Variants in RGS11 observed in about 807,000 individuals in gnomAD.
The protein encoded by RGS11 is regulator of G-protein signaling 11.
In RGS11, 86 loss-of-function variants were observed where a neutral mutation model predicts 71.1. That is an observed-to-expected ratio of 1.21 (90% CI 1.02 to 1.45). The LOEUF (loss-of-function observed/expected upper bound fraction) is 1.45, where lower values mean the gene tolerates loss of function less well. Among genes scored for constraint, RGS11 ranks in the 40% most tolerant of loss-of-function variants. The probability of loss-of-function intolerance (pLI) is 0.00; values close to 1 mark genes in which losing one functional copy is unlikely to be tolerated. For missense variants in RGS11, 734 were observed against 635.1 expected (o/e 1.16, Z -1.67); for synonymous variants, 298 against 254.2 (o/e 1.17, Z -1.64).
intron 4 of RGS11, 97 bp from the exon 5 acceptor site, chr16:274,362 G>A: frequency 7.4e-7 from 1 of 1,354,740 alleles, no homozygotes; most frequent in South Asian, 1.3e-5. Flanking sequence ...AGCCTGGGCT[G>A]GGCAGGAGGT....
In RGS11 at chr16:273,434, C is replaced by T. The variant is rs568186508; in HGVS notation, c.588+41G>A. On this transcript the variant is annotated intron_variant, in intron 8 of 16. Coordinates refer to ENST00000397770, the MANE Select transcript of RGS11 (RefSeq NM_183337.3). ...TGTCAGGGAAGCACGCTGACCCCTG[C>T]GCTGGCCAGCGACCCCCACCCTCAC... 31 of 1,478,568 alleles carry T rather than the reference C, an allele frequency of 2.1e-5. 1 individual carries two copies. The highest frequency in any genetic ancestry group is 1.7e-4 in the Middle Eastern group (1 of 5,794). The allele number at this position is 1,478,568 out of a possible 1,614,324, so 91.6% of individuals were successfully genotyped here.
In RGS11 at chr16:268,606, G is replaced by A; in HGVS notation, c.*663C>T. ...TCGTCAGTGGGGTGACAATGTCAGA[G>A]TTGTCTATAAATCGGGGGGGAGGCC... On this transcript the variant is annotated 3_prime_UTR_variant, in exon 17 of 17. Coordinates refer to ENST00000397770, the MANE Select transcript of RGS11 (RefSeq NM_183337.3). 1 of 650,716 alleles carries A rather than the reference G, an allele frequency of 1.5e-6. No individual in the cohort carries two copies. 40.3% of individuals were successfully genotyped at this position (650,716 alleles called of 1,614,324 possible). A position where few individuals can be genotyped will look rare whatever the true frequency, so the allele number is the denominator to read the frequency against.
chr16:274,101 G>T lies in RGS11; in HGVS notation c.371C>A (p.Ala124Asp), dbSNP rs373360301. The T allele has an allele frequency of 3.0e-5, 46 of 1,553,304 alleles. No individual in the cohort carries two copies. The highest frequency in any genetic ancestry group is 3.9e-5 in the Non-Finnish European group (45 of 1,148,432). Residue 124 changes from alanine to aspartate, a missense_variant and splice_region_variant, in exon 6 of 17, where the codon GCC becomes GAC. Transcript: ENST00000397770. Reference sequence around the variant, plus strand: ...GATGTTCTTCTTGGCCAGGTAGATGGCTGGAAGAACAGGGACAGCCTGCAG... The same window carrying T: ...GATGTTCTTCTTGGCCAGGTAGATGTCTGGAAGAACAGGGACAGCCTGCAG... ...TLRPAAELDY[A>D]IYLAKKNIRK...
rs1218062756 is a variant in RGS11, at chr16:275,262, A to T, written c.211+21T>A. Reference sequence around the variant, plus strand: ...CACCAGCCCAGTGACCCCAGGGCCCAGTGGGAGGCAGGGCGCTCACCCTCC... The same window carrying T: ...CACCAGCCCAGTGACCCCAGGGCCCTGTGGGAGGCAGGGCGCTCACCCTCC... On this transcript the variant is annotated intron_variant, in intron 3 of 16. Coordinates refer to ENST00000397770, the MANE Select transcript of RGS11 (RefSeq NM_183337.3). 1.9e-6 allele frequency: 3 copies of T among 1,612,204 alleles called. No homozygotes were observed. In the Admixed American group the frequency reaches 5.0e-5, roughly 27 times the overall value.
rs1258249840 is a variant in RGS11, at chr16:271,183, C to T, written c.863+19G>A. On this transcript the variant is annotated intron_variant, in intron 12 of 16. Transcript: ENST00000397770. ...GGCTGGGAGCACACCCGCAGTCCCG[C>T]TGCCCCGCCTGGGCTCACGTGGGGG... 2 of 1,609,250 alleles carry T rather than the reference C, an allele frequency of 1.2e-6. No homozygotes were observed. Among genetic ancestry groups the T allele is most frequent in the East Asian group, 2.2e-5 (1 of 44,834 alleles).
At position 269,206 on chromosome 16, in the gene RGS11, G is replaced by T; in HGVS notation, c.*63C>A. On this transcript the variant is annotated 3_prime_UTR_variant, in exon 17 of 17. Transcript: ENST00000397770. ...CCAGGACCTGGGCCAAGACGGGGGT[G>T]GCTGCTGCATTCACGCAGGACGTTG... is the stretch of plus-strand genomic sequence containing the variant. The T allele has an allele frequency of 1.6e-6, 2 of 1,241,864 alleles. No individual in the cohort carries two copies. Among genetic ancestry groups the T allele is most frequent in the South Asian group, 1.3e-5 (1 of 77,852 alleles). 76.9% of individuals were successfully genotyped at this position (1,241,864 alleles called of 1,614,324 possible). A position where few individuals can be genotyped will look rare whatever the true frequency, so the allele number is the denominator to read the frequency against.
At chr16:274,941 T>C (rs1370118924) in intron 4 of RGS11, 35 bp downstream of exon 4, 17 of 1,539,182 alleles carry the variant, frequency 1.1e-5, no homozygotes, top group Middle Eastern at 3.4e-4. Context: ...GGGGTGGGGG[T>C]CCCACCGGCT....
chr16:268,707 AG>A lies in RGS11; in HGVS notation c.*561del. The A allele has an allele frequency of 6.7e-7, 1 of 1,483,450 alleles. No individual in the cohort carries two copies. Among genetic ancestry groups the A allele is most frequent in the Non-Finnish European group, 9.1e-7 (1 of 1,095,898 alleles). The allele number at this position is 1,483,450 out of a possible 1,614,324, so 91.9% of individuals were successfully genotyped here. On this transcript the variant is annotated 3_prime_UTR_variant, in exon 17 of 17. Coordinates refer to ENST00000397770, the MANE Select transcript of RGS11 (RefSeq NM_183337.3). ...GGAACGCGTTTGGCGAGGGAGGAAT[AG>A]GCGCAGCTCCGGAAGGCAGTGACCT...
chr16:274,685 G>A (rs1444711749), intron 4 of RGS11: 2 of 673,682 alleles, frequency 3.0e-6, no homozygotes, highest in Non-Finnish European at 5.5e-6. Context: ...TGGGCCTAGG[G>A]ACCCCCAGGA....
At position 273,761 on chromosome 16, in the gene RGS11, T is replaced by A; in HGVS notation, c.505A>T (p.Arg169Trp). The change falls in exon 7 of 17, where the codon AGG becomes TGG. Residue 169 changes from arginine to tryptophan, a missense_variant and splice_region_variant. Coordinates refer to ENST00000397770, the MANE Select transcript of RGS11 (RefSeq NM_183337.3). Reference sequence around the variant, plus strand: ...GGGCGGGGCAGGGCGGGGCCTCACCTCAGCTGCTCCCTCGCCTGCATCAGC... The same window carrying A: ...GGGCGGGGCAGGGCGGGGCCTCACCACAGCTGCTCCCTCGCCTGCATCAGC... ...LVLMQAREQL[R>W]AAKQRSKGDR... 6.2e-7 allele frequency: 1 copy of A among 1,612,060 alleles called. No individual in the cohort carries two copies. Among genetic ancestry groups the A allele is most frequent in the Non-Finnish European group, 8.5e-7 (1 of 1,179,472 alleles).
At chr16:272,804 A>G in intron 9 of RGS11, 59 bp downstream of exon 9, 1 of 1,536,650 alleles carries the variant, frequency 6.5e-7, no homozygotes, top group Non-Finnish European at 8.7e-7. Context: ...TGGTGCGTCC[A>G]GCAGGGTGCA....
intron 16 of RGS11, 30 bp downstream of exon 16, chr16:269,473 C>T (rs1395995652): frequency 1.9e-6 from 3 of 1,608,946 alleles, no homozygotes; most frequent in African/African-American, 1.3e-5. Context: ...AGGCCACAGC[C>T]GCCGGCCACA....
In RGS11 at chr16:273,444, C is replaced by T. The variant is rs528979208; in HGVS notation, c.588+31G>A. ...GCACGCTGACCCCTGCGCTGGCCAG[C>T]GACCCCCACCCTCACCGCAGGTGGG... On this transcript the variant is annotated intron_variant, in intron 8 of 16. Coordinates refer to ENST00000397770, the MANE Select transcript of RGS11 (RefSeq NM_183337.3). 4.0e-5 allele frequency: 60 copies of T among 1,515,684 alleles called. 1 individual carries two copies. Among genetic ancestry groups the T allele is most frequent in the South Asian group, 3.8e-4 (31 of 82,026 alleles). The allele number at this position is 1,515,684 out of a possible 1,614,324, so 93.9% of individuals were successfully genotyped here.
chr16:272,106 G>C, intron 9 of RGS11: 6 of 1,106,170 alleles, frequency 5.4e-6, no homozygotes, highest in Non-Finnish European at 6.7e-6. Flanking sequence ...AAAGTGCTGG[G>C]ATTAGAGACG....
Position 271,316 on chromosome 16 carries a change from C to T in RGS11, c.750-1G>A. 6.2e-7 allele frequency: 1 copy of T among 1,612,942 alleles called. No homozygotes were observed. The highest frequency in any genetic ancestry group is 8.5e-7 in the Non-Finnish European group (1 of 1,179,914). On this transcript the variant is annotated splice_acceptor_variant, in intron 11 of 16. Coordinates refer to ENST00000397770, the MANE Select transcript of RGS11 (RefSeq NM_183337.3). LOFTEE classifies it high-confidence loss of function. ...ACGCTGGCCGCAGAAACTCAGGTAC[C>T]TGGAAGGGGGTATGGGGGCTGGTGC... is the stretch of plus-strand genomic sequence containing the variant.
chr16:269,358 G>A lies in RGS11; in HGVS notation c.1315C>T (p.Arg439Trp), dbSNP rs1018129727. 26 of 1,603,076 alleles carry A rather than the reference G, an allele frequency of 1.6e-5. No individual in the cohort carries two copies. The highest frequency in any genetic ancestry group is 3.4e-5 in the Admixed American group (2 of 58,288). The change falls in exon 17 of 17, where the codon CGG (arginine) becomes TGG (tryptophan). Residue 439 changes from arginine to tryptophan, a missense_variant. Transcript: ENST00000397770. ...AGTGCAGGGCTGGGGCTCGAGTGCC[G>A]TGGCCTCCACGTAAACGGGAACACG... ...RRVFPFTWRP[R>W]HSSPSPALLP...
At chr16:270,886 G>C in intron 13 of RGS11, 55 bp from the exon 14 acceptor site, 1 of 1,589,016 alleles carries the variant, frequency 6.3e-7, no homozygotes, top group African/African-American at 1.3e-5. Flanking sequence ...GCCAGGGCCG[G>C]TGGGGGGTTC....
At chr16:274,310 G>T (rs2052070987) in intron 4 of RGS11, 45 bp from the exon 5 acceptor site, 3 of 1,577,710 alleles carry the variant, frequency 1.9e-6, no homozygotes, top group African/African-American at 1.3e-5. Context: ...CTGCGTCTGT[G>T]CCTCCCCAGT....
rs9806942 is a variant in RGS11 at position 270,760 on chromosome 16, C to T, written c.1051G>A (p.Val351Met). Residue 351 changes from valine (V) to methionine (M), a missense_variant, in exon 14 of 17, where the codon GTG becomes ATG. By Grantham distance (21) the Val-to-Met change is conservative. Transcript: ENST00000397770. ...YGAQAQVPTLVDAVYEQFLAP... is the reference protein window; with the variant it reads ...YGAQAQVPTLMDAVYEQFLAP... ...AGCACTTACTCGTACACGGCATCCA[C>T]CAGGGTGGGGACCTGGGCCTGCGCT... 0.086 allele frequency: 138,153 copies of T among 1,612,150 alleles called. 8,583 individuals are homozygous for T. Among genetic ancestry groups the T allele is most frequent in the East Asian group, 0.3 (13,388 of 44,808 alleles).
Sources: allele counts gnomAD v4.1 joint callset, GRCh38; gene constraint gnomAD v4.1.1; transcripts MANE v1.5; gene names NCBI Gene and HGNC (gene_info 2026-07-23, HGNC 2026-07-21).